The following ROBO2 variants were observed in gnomAD, a reference collection of about 807,000 sequenced individuals.
ROBO2 encodes roundabout guidance receptor 2.
In ROBO2, 53 loss-of-function variants were observed where a neutral mutation model predicts 160.8. The ratio of observed to expected loss-of-function variants is 0.33; its 90% CI spans 0.26 to 0.41. The LOEUF (loss-of-function observed/expected upper bound fraction) is 0.41, where lower values mean the gene tolerates loss of function less well. Ranked by LOEUF, ROBO2 falls within the 10% of genes least tolerant of loss-of-function variation. The pLI is 1.00. For missense variants in ROBO2, 1,577 were observed against 1,722.4 expected (o/e 0.92, Z 1.49); for synonymous variants, 664 against 611.7 (o/e 1.09, Z -1.26).
chr3:77,467,636 A>G (rs2082918350), intron 2 of ROBO2, among the ~76,000 whole-genome samples: 1 of 122,756 alleles, frequency 8.1e-6, no homozygotes, highest in Non-Finnish European at 1.9e-5. Flanking sequence ...TCTATCATCT[A>G]TCTATCTATT....
rs185950537 is a variant in ROBO2 at position 77,263,919 on chromosome 3, T to C, written c.388+165579T>C. ...ACTTAATCTAAGCATTGTGTCTTGGTGTTCTCAGATGTAAAATAAACTGTT... is the reference window on the plus strand; with the variant it reads ...ACTTAATCTAAGCATTGTGTCTTGGCGTTCTCAGATGTAAAATAAACTGTT... On this transcript the variant is annotated intron_variant, in intron 2 of 25. Transcript: ENST00000461745. 1.5e-3 allele frequency among the ~76,000 whole-genome samples: 236 copies of C among 152,322 alleles called. 1 individual carries two copies. Among genetic ancestry groups the C allele is most frequent in the African/African-American group, 5.4e-3 (224 of 41,546 alleles).
chr3:76,055,284 G>T (rs562438752), intron 2 of ROBO2, among the ~76,000 whole-genome samples: 1 of 152,116 alleles, frequency 6.6e-6, no homozygotes, highest in East Asian at 1.9e-4. Flanking sequence ...ATTTGGGTGG[G>T]GACACAAAGC....
intron 2 of ROBO2, among the ~76,000 whole-genome samples, chr3:76,795,490 A>T (rs1004938683): frequency 6.6e-6 from 1 of 152,112 alleles, no homozygotes; most frequent in Non-Finnish European, 1.5e-5. Flanking sequence ...CCAGAAGTAG[A>T]TTCCATCTCA....
intron 2 of ROBO2, among the ~76,000 whole-genome samples, chr3:76,172,565 T>C (rs1291876617): frequency 1.3e-5 from 2 of 151,928 alleles, no homozygotes; most frequent in Non-Finnish European, 2.9e-5. Context: ...TAACAGGACC[T>C]AGATTCTCAA....
Position 76,274,489 on chromosome 3 carries a change from G to A in ROBO2, c.109+336887G>A, listed in dbSNP as rs1707801653. Among the ~76,000 whole-genome samples, 3 of 152,024 alleles carry A rather than the reference G, an allele frequency of 2.0e-5. No homozygotes were observed. The South Asian group carries it at 6.2e-4, about 32-fold the overall frequency. On this transcript the variant is annotated intron_variant, in intron 2 of 26. Transcript: ENST00000487694. ...ATTTTATGAATCTGATATATGATTT[G>A]CTATGAAATACAGATTGTTATTCAA...
At chr3:76,806,919 T>G (rs2064770804) in intron 2 of ROBO2, among the ~76,000 whole-genome samples, 1 of 152,024 alleles carries the variant, frequency 6.6e-6, no homozygotes, top group Non-Finnish European at 1.5e-5. Flanking sequence ...ACAATCTCAC[T>G]TGGAATTGAA....
At chr3:76,552,774 C>T (rs1481361737) in intron 2 of ROBO2, among the ~76,000 whole-genome samples, 1 of 152,170 alleles carries the variant, frequency 6.6e-6, no homozygotes, top group African/African-American at 2.4e-5. Flanking sequence ...GAGCATGGAC[C>T]TTTCCAACCA....
At chr3:76,225,763 G>C (rs540995096) in intron 2 of ROBO2, among the ~76,000 whole-genome samples, 1 of 152,138 alleles carries the variant, frequency 6.6e-6, no homozygotes, top group Non-Finnish European at 1.5e-5. Flanking sequence ...TTTTAAAAAT[G>C]TTAAAAAGAA....
intron 2 of ROBO2, among the ~76,000 whole-genome samples, chr3:77,461,755 GTC>G (rs1410161834): frequency 1.3e-5 from 2 of 148,620 alleles, no homozygotes; most frequent in African/African-American, 4.9e-5. Context: ...TTGAGACAGA[GTC>G]TCTCTCTGTT....
At chr3:77,465,908 T>C (rs1367407856) in intron 2 of ROBO2, among the ~76,000 whole-genome samples, 1 of 152,170 alleles carries the variant, frequency 6.6e-6, no homozygotes, top group African/African-American at 2.4e-5. Context: ...AAATTTGGTA[T>C]TTAGGATATT....
chr3:77,014,862 T>C (rs2062142007), intron 2 of ROBO2, among the ~76,000 whole-genome samples: 1 of 152,176 alleles, frequency 6.6e-6, no homozygotes, highest in South Asian at 2.1e-4. Flanking sequence ...TTTTAGGCTT[T>C]TGTTGAATAA....
At chr3:76,436,123 C>T (rs1245861750) in intron 2 of ROBO2, among the ~76,000 whole-genome samples, 1 of 135,914 alleles carries the variant, frequency 7.4e-6, no homozygotes, top group Non-Finnish European at 1.6e-5. Context: ...GGGATCCCTG[C>T]CCAGCACCTT....
At chr3:77,362,626 A>C (rs117110771) in intron 2 of ROBO2, among the ~76,000 whole-genome samples, 2 of 152,278 alleles carry the variant, frequency 1.3e-5, no homozygotes, top group East Asian at 3.9e-4. Context: ...GATAATTGTC[A>C]GAACTAAAAC....
intron 6 of ROBO2, among the ~76,000 whole-genome samples, chr3:77,528,436 T>G (rs556386612): frequency 2.0e-5 from 3 of 151,676 alleles, no homozygotes; most frequent in Non-Finnish European, 3.0e-5. Flanking sequence ...TTTTTCCCCC[T>G]TCGGTTGAAA....
At chr3:76,881,964 G>A (rs1277452956) in intron 2 of ROBO2, among the ~76,000 whole-genome samples, 1 of 151,644 alleles carries the variant, frequency 6.6e-6, no homozygotes, top group African/African-American at 2.4e-5. Context: ...GTGTCTGTTG[G>A]GTGGTAGGTT....
At chr3:77,388,030 C>T (rs4684004) in intron 2 of ROBO2, among the ~76,000 whole-genome samples, 119,087 of 151,876 alleles carry the variant, frequency 0.78, 47,567 homozygotes, top group East Asian at 1. Flanking sequence ...AAATGAGTTT[C>T]GCTTGTCCCA....
chr3:76,851,725 G>A (rs1247428755), intron 2 of ROBO2, among the ~76,000 whole-genome samples: 3 of 111,280 alleles, frequency 2.7e-5, no homozygotes, highest in East Asian at 7.0e-4. Context: ...GTGGGCGACA[G>A]AGCGAGACTC....
chr3:76,399,285 GTT>G (rs10565070), intron 2 of ROBO2, among the ~76,000 whole-genome samples: 33,369 of 151,422 alleles, frequency 0.22, 4,626 homozygotes, highest in African/African-American at 0.4. Context: ...TGTGCCAGAT[GTT>G]TTTTGTTAGT....
At chr3:76,756,185 T>C (rs1298029537) in intron 2 of ROBO2, among the ~76,000 whole-genome samples, 2 of 151,896 alleles carry the variant, frequency 1.3e-5, no homozygotes, top group Non-Finnish European at 2.9e-5. Context: ...TGTTACAGCG[T>C]TATTTTTACT....
Sources: gnomAD v4.1 joint callset for allele counts (sites outside exome capture counted in the v4.1 genomes callset) on GRCh38, gnomAD v4.1.1 for gene constraint, MANE v1.5 for transcripts, NCBI Gene and HGNC (gene_info 2026-07-23, HGNC 2026-07-21) for gene names.